RBFOX1: variants seen among roughly 807,000 people sequenced by gnomAD.
The protein encoded by RBFOX1 is RNA binding fox-1 homolog 1.
A neutral mutation model predicts 57.7 loss-of-function variants in RBFOX1; 8 were observed. The ratio of observed to expected loss-of-function variants is 0.14; its 90% CI spans 0.08 to 0.25. The LOEUF is 0.25. Among genes scored for constraint, RBFOX1 ranks in the 10% least tolerant of loss-of-function variants. The pLI is 1.00. For synonymous variants in RBFOX1, 326 were observed against 222.4 expected (o/e 1.47, Z -4.15); for missense variants, 611 against 548.5 (o/e 1.11, Z -1.14).
intron 2 of RBFOX1, among the ~76,000 whole-genome samples, chr16:6,583,998 A>AT (rs1196646415): frequency 6.0e-5 from 7 of 116,928 alleles, no homozygotes; most frequent in South Asian, 2.9e-4. Flanking sequence ...CGACAACAAC[A>AT]TTTAAAAAAA....
At chr16:6,916,676 T>C (rs937201227) in intron 3 of RBFOX1, among the ~76,000 whole-genome samples, 3 of 152,130 alleles carry the variant, frequency 2.0e-5, no homozygotes, top group African/African-American at 4.8e-5. Flanking sequence ...GGTCGTCCTT[T>C]TACCTCTCAT....
chr16:6,955,472 G>T (rs1158707040), intron 3 of RBFOX1, among the ~76,000 whole-genome samples: 2 of 151,924 alleles, frequency 1.3e-5, no homozygotes, highest in African/African-American at 2.4e-5. Context: ...TACTTAAAAT[G>T]ATCACATTCA....
intron 10 of RBFOX1, among the ~76,000 whole-genome samples, chr16:7,622,852 C>T (rs2059520856): frequency 6.6e-6 from 1 of 152,198 alleles, no homozygotes; most frequent in Non-Finnish European, 1.5e-5. Flanking sequence ...CATAACCCTT[C>T]AGAGAAGCTC....
At chr16:5,752,072 T>A (rs1434258938) in intron 3 of RBFOX1, among the ~76,000 whole-genome samples, 1 of 152,164 alleles carries the variant, frequency 6.6e-6, no homozygotes, top group Non-Finnish European at 1.5e-5. Flanking sequence ...GCATATACCA[T>A]GCAATACTAT....
At chr16:7,688,607 A>T (rs2076639154) in intron 14 of RBFOX1, among the ~76,000 whole-genome samples, 1 of 152,038 alleles carries the variant, frequency 6.6e-6, no homozygotes, top group Non-Finnish European at 1.5e-5. Flanking sequence ...AAGAGATGAG[A>T]TTTAACCTAA....
intron 4 of RBFOX1, among the ~76,000 whole-genome samples, chr16:5,999,899 AAAAAAAAAGAGTG>A (rs1385429960): frequency 0.034 from 1,701 of 50,730 alleles, 465 homozygotes; most frequent in Middle Eastern, 0.057. Flanking sequence ...AAAAAAAAAA[AAAAAAAAAGAGTG>A]AAGAAGGGAA....
intron 4 of RBFOX1, among the ~76,000 whole-genome samples, chr16:7,166,231 C>T (rs1417430404): frequency 6.6e-6 from 1 of 151,660 alleles, no homozygotes; most frequent in Non-Finnish European, 1.5e-5. Context: ...CCAGGCTGGT[C>T]TCGAATTCCT....
At chr16:7,394,235 C>CAAAAAAAAAAAAAAAAA (rs59934126) in intron 4 of RBFOX1, among the ~76,000 whole-genome samples, 1 of 55,024 alleles carries the variant, frequency 1.8e-5, no homozygotes, top group Non-Finnish European at 3.0e-5. Context: ...GACTCCGCAT[C>CAAAAAAAAAAAAAAAAA]AAAAAAAAAA....
chr16:6,607,053 G>T (rs936234209), intron 2 of RBFOX1, among the ~76,000 whole-genome samples: 5 of 152,108 alleles, frequency 3.3e-5, no homozygotes, highest in African/African-American at 9.7e-5. Flanking sequence ...CGCCAAAAAT[G>T]GCTATACATT....
chr16:5,805,977 C>T (rs532363034), intron 3 of RBFOX1, among the ~76,000 whole-genome samples: 1 of 152,058 alleles, frequency 6.6e-6, no homozygotes, highest in Non-Finnish European at 1.5e-5. Context: ...CAGTGTTGAT[C>T]TCTCAGTGAG....
chr16:5,294,191 T>C (rs1275043627), intron 1 of RBFOX1, among the ~76,000 whole-genome samples: 1 of 152,138 alleles, frequency 6.6e-6, no homozygotes, highest in African/African-American at 2.4e-5. Context: ...ATCACACCAC[T>C]GCACTCCAGC....
chr16:6,565,526 G>T (rs573310354), intron 2 of RBFOX1, among the ~76,000 whole-genome samples: 4 of 151,786 alleles, frequency 2.6e-5, no homozygotes, highest in East Asian at 1.9e-4. Context: ...CAAAGTGCTC[G>T]GATTACAGGT....
At chr16:7,369,115 C>G (rs1568456558) in intron 4 of RBFOX1, among the ~76,000 whole-genome samples, 1 of 152,120 alleles carries the variant, frequency 6.6e-6, no homozygotes, top group Non-Finnish European at 1.5e-5. Flanking sequence ...AGGTTTTTCA[C>G]AACTCAGCGT....
chr16:6,131,609 C>T (rs889457998), intron 1 of RBFOX1, among the ~76,000 whole-genome samples: 16 of 152,144 alleles, frequency 1.1e-4, no homozygotes, highest in East Asian at 3.9e-4. Flanking sequence ...ACAGAAGTTG[C>T]GGAATTGCTC....
At chr16:5,847,365 T>TG (rs2056783300) in intron 3 of RBFOX1, among the ~76,000 whole-genome samples, 1 of 131,416 alleles carries the variant, frequency 7.6e-6, no homozygotes, top group Non-Finnish European at 1.6e-5. Flanking sequence ...AAAAAAAAAA[T>TG]GGGGGTGGGG....
chr16:6,833,849 T>G (rs962732042), intron 3 of RBFOX1, among the ~76,000 whole-genome samples: 13 of 152,056 alleles, frequency 8.5e-5, no homozygotes, highest in African/African-American at 3.1e-4. Context: ...AAAGGAGTGG[T>G]GCAGACTGAG....
chr16:7,534,379 C>G (rs1457062956), intron 5 of RBFOX1, among the ~76,000 whole-genome samples: 1 of 152,038 alleles, frequency 6.6e-6, no homozygotes, highest in Non-Finnish European at 1.5e-5. Flanking sequence ...AGGCATGAAC[C>G]ACAGTGCACG....
chr16:7,499,468 A>G (rs1415457798), intron 4 of RBFOX1, among the ~76,000 whole-genome samples: 1 of 149,440 alleles, frequency 6.7e-6, no homozygotes, highest in African/African-American at 2.4e-5. Flanking sequence ...TAGTATTGGA[A>G]TTTGAAAATA....
At chr16:7,602,867 A>G (rs6501001) in intron 9 of RBFOX1, among the ~76,000 whole-genome samples, 113,539 of 152,166 alleles carry the variant, frequency 0.75, 43,765 homozygotes, top group Admixed American at 0.85. Context: ...TTTTTAAAAA[A>G]TCTAAACTAT....
Sources: allele counts gnomAD v4.1 joint callset (sites outside exome capture counted in the v4.1 genomes callset), GRCh38; gene constraint gnomAD v4.1.1; transcripts MANE v1.5; gene names NCBI Gene and HGNC (gene_info 2026-07-23, HGNC 2026-07-21).